Variants in PXK observed in about 807,000 individuals in gnomAD.
PXK encodes PX domain-containing protein kinase-like protein.
A neutral mutation model predicts 84.7 loss-of-function variants in PXK; 35 were observed. The observed-to-expected ratio is 0.41, with a 90% CI of 0.32 to 0.55. The LOEUF (loss-of-function observed/expected upper bound fraction) is 0.55, where lower values mean the gene tolerates loss of function less well. Ranked by LOEUF, PXK falls within the 20% of genes least tolerant of loss-of-function variation. PXK has a pLI of 0.21. For missense variants in PXK, 634 were observed against 699.7 expected, an observed-to-expected ratio of 0.91 and a Z score of 1.06; for synonymous variants, 253 against 260.8, an observed-to-expected ratio of 0.97 and a Z score of 0.29.
At chr3:58,365,719 T>A (rs1229043709) in intron 1 of PXK, among the ~76,000 whole-genome samples, 155 bp from the exon 2 acceptor site, 1 of 152,230 alleles carries the variant, frequency 6.6e-6, no homozygotes, top group African/African-American at 2.4e-5. Context: ...ATTACCCTTT[T>A]GTTTTTATGT....
At chr3:58,354,451 T>A (rs1183249721) in intron 1 of PXK, among the ~76,000 whole-genome samples, 1 of 151,058 alleles carries the variant, frequency 6.6e-6, no homozygotes, top group Non-Finnish European at 1.5e-5. Context: ...CTTCCTAGTT[T>A]TTTTTTTTTT....
chr3:58,345,411 A>G (rs762407970), intron 1 of PXK, among the ~76,000 whole-genome samples: 3 of 152,180 alleles, frequency 2.0e-5, no homozygotes, highest in Non-Finnish European at 4.4e-5. Flanking sequence ...GATCTGAACT[A>G]TATATATTTT....
intron 7 of PXK, among the ~76,000 whole-genome samples, chr3:58,393,334 C>CA (rs2098650167): frequency 6.6e-6 from 1 of 151,928 alleles, no homozygotes; most frequent in Non-Finnish European, 1.5e-5. Context: ...GGCAACAGAG[C>CA]AGACTCCGTC....
intron 1 of PXK, among the ~76,000 whole-genome samples, chr3:58,336,072 T>TATATATATATATATATATA (rs58493068): frequency 9.7e-5 from 3 of 30,972 alleles, no homozygotes; most frequent in African/African-American, 3.1e-4. Context: ...TATATATATA[T>TATATATATATATATATATA]TTTTTTTTTT....
At chr3:58,394,292 C>A (rs535154548) in intron 7 of PXK, among the ~76,000 whole-genome samples, 1 of 152,292 alleles carries the variant, frequency 6.6e-6, no homozygotes, top group Admixed American at 6.5e-5. Context: ...TTTCACGTAA[C>A]CAGAATTCCA....
intron 1 of PXK, among the ~76,000 whole-genome samples, chr3:58,350,286 C>G (rs2097898413): frequency 6.6e-6 from 1 of 152,174 alleles, no homozygotes; most frequent in African/African-American, 2.4e-5. Flanking sequence ...TTACATTCAG[C>G]TCCAGCAGTT....
At chr3:58,343,470 G>A (rs2097769477) in intron 1 of PXK, among the ~76,000 whole-genome samples, 1 of 152,138 alleles carries the variant, frequency 6.6e-6, no homozygotes, top group Non-Finnish European at 1.5e-5. Flanking sequence ...CATTCCACAG[G>A]CACTTCTCAA....
chr3:58,355,454 G>A (rs1332069561), intron 1 of PXK, among the ~76,000 whole-genome samples: 1 of 152,236 alleles, frequency 6.6e-6, no homozygotes, highest in Non-Finnish European at 1.5e-5. Context: ...TTTGGCTTGA[G>A]CGACTTAACA....
intron 3 of PXK, among the ~76,000 whole-genome samples, chr3:58,371,506 G>T (rs2098370708): frequency 6.6e-6 from 1 of 152,206 alleles, no homozygotes; most frequent in Non-Finnish European, 1.5e-5. Context: ...CATAAAGGGG[G>T]CGTGATCTTT....
chr3:58,350,707 A>G (rs1296365479), intron 1 of PXK, among the ~76,000 whole-genome samples: 1 of 152,112 alleles, frequency 6.6e-6, no homozygotes, highest in Non-Finnish European at 1.5e-5. Flanking sequence ...TTGTTGGGAG[A>G]TGGAGTAAAC....
chr3:58,336,822 G>C (rs1249771810), intron 1 of PXK, among the ~76,000 whole-genome samples: 9 of 151,784 alleles, frequency 5.9e-5, no homozygotes, highest in African/African-American at 2.2e-4. Context: ...CCTTTTTTTG[G>C]GGGGTGGGGG....
rs975698537 is a variant in PXK at position 58,397,499 on chromosome 3, G to T, written c.985-106G>T. 4.5e-5 allele frequency: 44 copies of T among 978,082 alleles called. No individual in the cohort carries two copies. The highest frequency in any genetic ancestry group is 2.4e-4 in the Middle Eastern group (1 of 4,150). 60.6% of individuals were successfully genotyped at this position (978,082 alleles called of 1,614,324 possible). On this transcript the variant is annotated intron_variant, in intron 10 of 17. Coordinates refer to ENST00000356151, the MANE Select transcript of PXK (RefSeq NM_017771.5). The surrounding 1 kb of genome is among the most constrained non-coding windows in gnomAD (Gnocchi z 4.7). ...TGCATTTACGTTACCAATTAGGAAC[G>T]GGGCTATCCCTGGGCTTTGTTTCTC...
chr3:58,404,974 G>A (rs1392357130), intron 13 of PXK, among the ~76,000 whole-genome samples: 2 of 152,126 alleles, frequency 1.3e-5, no homozygotes, highest in Non-Finnish European at 2.9e-5. Context: ...AAGCATCTTA[G>A]CAAATTTCTT....
At chr3:58,349,449 C>T (rs1392692451) in intron 1 of PXK, among the ~76,000 whole-genome samples, 5 of 151,462 alleles carry the variant, frequency 3.3e-5, no homozygotes, top group African/African-American at 4.9e-5. Flanking sequence ...TCTGCCTCCC[C>T]GGTTCAAGCG....
rs571392513 is a variant in PXK, at chr3:58,401,788, G to A, written c.1182-2074G>A. Among the ~76,000 whole-genome samples, 11 of 152,120 alleles carry A rather than the reference G, an allele frequency of 7.2e-5. No individual in the cohort carries two copies. Among genetic ancestry groups the A allele is most frequent in the African/African-American group, 2.2e-4 (9 of 41,484 alleles). ...AAAAATGCAAAAAAATTAGCCGAGC[G>A]TGGTGGCGGGCGTCTGTAGTCCCAG... is the stretch of plus-strand genomic sequence containing the variant. On this transcript the variant is annotated intron_variant, in intron 12 of 17. Transcript: ENST00000356151. This position sits in a 1 kb window ranked among gnomAD's most constrained non-coding sequence, Gnocchi z 4.4.
At chr3:58,350,651 A>G (rs2097905143) in intron 1 of PXK, among the ~76,000 whole-genome samples, 1 of 152,164 alleles carries the variant, frequency 6.6e-6, no homozygotes, top group African/African-American at 2.4e-5. Flanking sequence ...TCTGAGCTTC[A>G]GGGTTTTTGT....
intron 17 of PXK, among the ~76,000 whole-genome samples, chr3:58,417,104 T>C (rs1380924199): frequency 6.6e-6 from 1 of 151,892 alleles, no homozygotes; most frequent in Admixed American, 6.5e-5. Context: ...AGGGGTCTCA[T>C]CATGTTGCCC....
chr3:58,355,271 G>C (rs1027850081), intron 1 of PXK, among the ~76,000 whole-genome samples: 1 of 152,206 alleles, frequency 6.6e-6, no homozygotes, highest in Non-Finnish European at 1.5e-5. Flanking sequence ...GCAGGGTTGA[G>C]ATGCTCTGCC....
chr3:58,390,584 A>G lies in PXK; in HGVS notation c.391A>G (p.Ile131Val). ...GGGTTTCTAAAATGTCTTTGCAGAG[A>G]TTGCCTTGCAACAGGTTTCCATGTT... ...PNNYSANYTE[I>V]ALQQVSMFFR... Residue 131 changes from isoleucine (I) to valine (V), a missense_variant and splice_region_variant, in exon 5 of 18, where the codon ATT becomes GTT. Coordinates refer to ENST00000356151, the MANE Select transcript of PXK (RefSeq NM_017771.5). The surrounding 1 kb of genome is among the most constrained non-coding windows in gnomAD (Gnocchi z 4.2). 6.2e-7 allele frequency: 1 copy of G among 1,612,548 alleles called. No individual in the cohort carries two copies. Among genetic ancestry groups the G allele is most frequent in the East Asian group, 2.2e-5 (1 of 44,846 alleles).
Sources: allele counts gnomAD v4.1 joint callset (sites outside exome capture counted in the v4.1 genomes callset), GRCh38; gene constraint gnomAD v4.1.1; non-coding constraint Gnocchi (gnomAD v3.1); transcripts MANE v1.5; gene names NCBI Gene and HGNC (gene_info 2026-07-23, HGNC 2026-07-21).